The following TTLL7 variants were observed in gnomAD, a reference collection of about 807,000 sequenced individuals.
TTLL7 encodes the protein tubulin polyglutamylase TTLL7.
Under a neutral mutation model 120.2 loss-of-function variants are expected in TTLL7, and 53 were observed. That is an observed-to-expected ratio of 0.44 (90% CI 0.35 to 0.55). TTLL7 has a LOEUF of 0.55. Ranked by LOEUF, TTLL7 falls within the 20% of genes least tolerant of loss-of-function variation. The probability of loss-of-function intolerance (pLI) is 0.00; values close to 1 mark genes in which losing one functional copy is unlikely to be tolerated. For synonymous variants in TTLL7, 353 were observed against 351.7 expected (o/e 1.00, Z -0.04); for missense variants, 803 against 1,054.7 (o/e 0.76, Z 3.31).
chr1:83,874,728 G>T (rs1653765821), intron 20 of TTLL7, among the ~76,000 whole-genome samples: 1 of 151,940 alleles, frequency 6.6e-6, no homozygotes, highest in African/African-American at 2.4e-5. Context: ...GGGGGGAAAA[G>T]CCCCAGTTTC....
chr1:83,993,026 T>C (rs1653150453), intron 1 of TTLL7, among the ~76,000 whole-genome samples: 1 of 152,132 alleles, frequency 6.6e-6, no homozygotes, highest in Non-Finnish European at 1.5e-5. Context: ...AATGACAAAA[T>C]ACACATGAAA....
At chr1:83,909,264 T>C (rs1657475988) in intron 15 of TTLL7, among the ~76,000 whole-genome samples, 1 of 133,524 alleles carries the variant, frequency 7.5e-6, no homozygotes, top group African/African-American at 2.7e-5. Flanking sequence ...TTACTTTTTT[T>C]TTTCCTTTTT....
chr1:83,931,004 T>C (rs530954205), intron 9 of TTLL7, among the ~76,000 whole-genome samples: 14 of 147,898 alleles, frequency 9.5e-5, no homozygotes, highest in African/African-American at 3.2e-4. Context: ...TTGTTCTTGT[T>C]TTTTTTTTTT....
intron 14 of TTLL7, among the ~76,000 whole-genome samples, chr1:83,912,055 G>C (rs1189528079): frequency 2.0e-5 from 3 of 152,090 alleles, no homozygotes; most frequent in Admixed American, 6.6e-5. Context: ...AAGAACAACT[G>C]ATGTCTTTTC....
chr1:83,926,028 G>A (rs1402328744), intron 10 of TTLL7, among the ~76,000 whole-genome samples: 3 of 151,666 alleles, frequency 2.0e-5, no homozygotes, highest in Non-Finnish European at 4.4e-5. Flanking sequence ...GGCTGAGACA[G>A]GAGAATCGCT....
Position 83,911,197 on chromosome 1 carries a change from G to C in TTLL7, c.1754C>G (p.Pro585Arg). The change falls in exon 15 of 21, where the codon CCC becomes CGC. Residue 585 changes from proline (P) to arginine (R), a missense_variant. Physicochemically the swap from Pro to Arg is moderately radical, Grantham distance 103. Transcript: ENST00000260505. ...REKQVTYNLK[P>R]SNHYKLIQQP... Reference sequence around the variant, plus strand: ...TTGAATTAATTTGTAGTGGTTGGAGGGTTTAAGATTATATGTAACTTGCTT... The same window carrying C: ...TTGAATTAATTTGTAGTGGTTGGAGCGTTTAAGATTATATGTAACTTGCTT... The C allele has an allele frequency of 6.2e-7, 1 of 1,611,910 alleles. No individual in the cohort carries two copies. Among genetic ancestry groups the C allele is most frequent in the South Asian group, 1.1e-5 (1 of 91,014 alleles).
intron 1 of TTLL7, among the ~76,000 whole-genome samples, chr1:83,955,092 A>G (rs1457124268): frequency 1.3e-5 from 2 of 152,142 alleles, no homozygotes; most frequent in African/African-American, 4.8e-5. Context: ...TCTTCCGTTG[A>G]GCTTCTACCA....
At chr1:83,906,712 C>A (rs1657229190) in intron 16 of TTLL7, among the ~76,000 whole-genome samples, 1 of 151,900 alleles carries the variant, frequency 6.6e-6, no homozygotes, top group Non-Finnish European at 1.5e-5. Flanking sequence ...AATATAAATA[C>A]TTAAAAAGGA....
chr1:83,907,338 G>T, intron 16 of TTLL7, 118 bp downstream of exon 16: 1 of 852,778 alleles, frequency 1.2e-6, no homozygotes, highest in Non-Finnish European at 1.8e-6. Flanking sequence ...AATTTCAAGA[G>T]GTCATGAGTT....
chr1:83,991,253 A>G (rs1254385146), intron 1 of TTLL7, among the ~76,000 whole-genome samples: 1 of 152,190 alleles, frequency 6.6e-6, no homozygotes, highest in East Asian at 1.9e-4. Flanking sequence ...TTTGAGGTTT[A>G]CCAGATGAAA....
chr1:83,998,989 T>C lies in TTLL7; in HGVS notation c.-235A>G, dbSNP rs775146042. The stretch of plus-strand genomic sequence containing the variant: ...TCCCCGCTGCAAGCGGTCCCCCAGG[T>C]GCTCCCGCGCCTCGCAGCTTCCCCG... On this transcript the variant is annotated 5_prime_UTR_variant, in exon 1 of 21. Coordinates refer to ENST00000260505, the MANE Select transcript of TTLL7 (RefSeq NM_024686.6). 12 of 443,584 alleles carry C rather than the reference T, an allele frequency of 2.7e-5. No homozygotes were observed. The East Asian group carries it at 8.3e-4, about 31-fold the overall frequency. The allele number at this position is 443,584 out of a possible 1,614,324, so 27.5% of individuals were successfully genotyped here.
chr1:83,944,445 A>T (rs1648276661), intron 6 of TTLL7, among the ~76,000 whole-genome samples: 1 of 152,166 alleles, frequency 6.6e-6, no homozygotes, highest in Admixed American at 6.5e-5. Context: ...AGTGGCTTAC[A>T]CCTGTAATCC....
chr1:83,948,491 C>T, intron 5 of TTLL7, 137 bp downstream of exon 5: 1 of 573,346 alleles, frequency 1.7e-6, no homozygotes, highest in Non-Finnish European at 3.0e-6. Context: ...CCTTCTAAGA[C>T]CTCTCTAGCT....
rs369746886 is a variant in TTLL7, at chr1:83,897,320, G to C, written c.2208+6759C>G. Among the ~76,000 whole-genome samples, 41 of 152,148 alleles carry C rather than the reference G, an allele frequency of 2.7e-4. No individual in the cohort carries two copies. In the East Asian group the frequency reaches 5.2e-3, roughly 19 times the overall value. The stretch of plus-strand genomic sequence containing the variant: ...ATACCTTGAATAGTGCCTGGGGCAT[G>C]GTAGTCCCTCAATAAATATCTGTTG... On this transcript the variant is annotated intron_variant, in intron 18 of 20. Transcript: ENST00000260505.
intron 18 of TTLL7, among the ~76,000 whole-genome samples, chr1:83,892,585 AATGAACATATGAATGAACATATAT>A (rs1557565884): frequency 6.2e-5 from 5 of 80,290 alleles, no homozygotes; most frequent in Admixed American, 1.3e-4. Flanking sequence ...TGAACATATA[AATGAACATATGAATGAACATATAT>A]ATGAACATAT....
intron 1 of TTLL7, chr1:83,981,300 T>C (rs1370903225): frequency 6.6e-6 from 1 of 151,270 alleles, no homozygotes; most frequent in Non-Finnish European, 1.5e-5. Context: ...AATAAAACTA[T>C]GGAAAAAGAT....
chr1:83,993,784 C>A (rs892811679), intron 1 of TTLL7, among the ~76,000 whole-genome samples: 1 of 152,226 alleles, frequency 6.6e-6, no homozygotes, highest in African/African-American at 2.4e-5. Flanking sequence ...ACTTATCACT[C>A]ACCATCCCAG....
intron 20 of TTLL7, among the ~76,000 whole-genome samples, chr1:83,882,019 A>G (rs1654535165): frequency 6.9e-6 from 1 of 145,766 alleles, no homozygotes; most frequent in Non-Finnish European, 1.5e-5. Context: ...ATTCTCACTC[A>G]TAGGTGGGAA....
At chr1:83,947,336 T>C in intron 5 of TTLL7, 54 bp from the exon 6 acceptor site, 1 of 1,489,944 alleles carries the variant, frequency 6.7e-7, no homozygotes. Context: ...AGCATATATT[T>C]TCTTTCTCTG....
Sources: allele counts gnomAD v4.1 joint callset (sites outside exome capture counted in the v4.1 genomes callset), GRCh38; gene constraint gnomAD v4.1.1; transcripts MANE v1.5; gene names NCBI Gene and HGNC (gene_info 2026-07-23, HGNC 2026-07-21).